Variants in TBL1X observed in about 807,000 individuals in gnomAD.
The protein encoded by TBL1X is F-box-like/WD repeat-containing protein TBL1X.
In TBL1X, 10 loss-of-function variants were observed where a neutral mutation model predicts 50.7. That is an observed-to-expected ratio of 0.20 (90% CI 0.12 to 0.33). TBL1X has a LOEUF of 0.33. Ranked by LOEUF, TBL1X falls within the 10% of genes least tolerant of loss-of-function variation. The pLI, the probability that TBL1X is intolerant of heterozygous loss-of-function variation, is 1.00. For synonymous variants in TBL1X, 190 were observed against 214.7 expected (o/e 0.88, Z 1.01); for missense variants, 340 against 504.4 (o/e 0.67, Z 3.12).
intron 2 of TBL1X, among the ~76,000 whole-genome samples, chrX:9,596,871 G>A (rs1350642026): frequency 9.0e-6 from 1 of 110,973 alleles, no homozygotes; most frequent in Non-Finnish European, 1.9e-5. Flanking sequence ...AAGGATCCCA[G>A]GGAAGCCTTT....
At chrX:9,483,123 C>A (rs1419003772) in intron 1 of TBL1X, among the ~76,000 whole-genome samples, 1 of 111,255 alleles carries the variant, frequency 9.0e-6, no homozygotes, top group Non-Finnish European at 1.9e-5. Context: ...CCTCCTCTTT[C>A]AAGAGAGTTA....
At chrX:9,574,695 C>T (rs758396141) in intron 2 of TBL1X, among the ~76,000 whole-genome samples, 2 of 110,640 alleles carry the variant, frequency 1.8e-5, no homozygotes, top group Non-Finnish European at 3.8e-5. Context: ...TGGGAAAGCA[C>T]TGGGACACCA....
intron 2 of TBL1X, among the ~76,000 whole-genome samples, chrX:9,586,883 G>C (rs1349557301): frequency 2.7e-5 from 3 of 112,244 alleles, no homozygotes; most frequent in Non-Finnish European, 3.8e-5. Flanking sequence ...CTGGGTGACA[G>C]AGCAAGATTC....
chrX:9,498,391 T>C (rs1212451546), intron 1 of TBL1X, among the ~76,000 whole-genome samples: 1 of 112,349 alleles, frequency 8.9e-6, no homozygotes, highest in Non-Finnish European at 1.9e-5. Context: ...TAGGCCTGCG[T>C]TTGAGCTTGC....
chrX:9,581,731 G>A (rs2082443596), intron 2 of TBL1X, among the ~76,000 whole-genome samples: 1 of 112,042 alleles, frequency 8.9e-6, no homozygotes, highest in African/African-American at 3.2e-5. Context: ...ATCTTGGAGA[G>A]GGCCAAGATC....
intron 5 of TBL1X, among the ~76,000 whole-genome samples, chrX:9,682,668 G>A (rs2083032443): frequency 8.9e-6 from 1 of 111,765 alleles, no homozygotes; most frequent in Non-Finnish European, 1.9e-5. Flanking sequence ...GAGGCAGAAG[G>A]GCACTGATAC....
At chrX:9,563,438 G>T (rs762852260) in intron 2 of TBL1X, among the ~76,000 whole-genome samples, 1 of 112,661 alleles carries the variant, frequency 8.9e-6, no homozygotes, top group African/African-American at 3.2e-5. Context: ...ACCTTATTAT[G>T]AAAATAGTAA....
intron 2 of TBL1X, among the ~76,000 whole-genome samples, chrX:9,559,041 G>A (rs1032253934): frequency 3.6e-5 from 4 of 111,915 alleles, no homozygotes; most frequent in Non-Finnish European, 7.5e-5. Context: ...AGAAGTCTAG[G>A]AGCTGTGTTT....
chrX:9,637,792 C>T (rs1234428736), intron 2 of TBL1X: 2 of 111,322 alleles, frequency 1.8e-5, no homozygotes, highest in Non-Finnish European at 3.8e-5. Context: ...ACTATCCTGC[C>T]TTCCTAAGGG....
chrX:9,639,910 A>T (rs1429770374), intron 2 of TBL1X: 1 of 112,271 alleles, frequency 8.9e-6, no homozygotes, highest in Non-Finnish European at 1.9e-5. Flanking sequence ...ATTTCAAGGG[A>T]ACCTTAATTT....
chrX:9,463,494 A>C (rs1736743164), upstream of TBL1X: 1 of 112,184 alleles, frequency 8.9e-6, no homozygotes, highest in African/African-American at 3.2e-5. Flanking sequence ...GATGTCCTCT[A>C]ATGATGGTGT....
At chrX:9,604,046 C>G (rs139978070) in intron 2 of TBL1X, among the ~76,000 whole-genome samples, 238 of 111,716 alleles carry the variant, frequency 2.1e-3, no homozygotes, top group Middle Eastern at 9.3e-3. Flanking sequence ...TTCTGAGGTG[C>G]TGCACGTTAG....
At chrX:9,471,464 T>C (rs999191833) in intron 1 of TBL1X, among the ~76,000 whole-genome samples, 3 of 112,475 alleles carry the variant, frequency 2.7e-5, no homozygotes, top group African/African-American at 9.7e-5. Context: ...CCATGTTTTT[T>C]TCAGACTGGT....
At position 9,534,044 on chromosome X, in the gene TBL1X, G is replaced by A. The variant is rs150175657; in HGVS notation, c.-131+32195G>A. Among the ~76,000 whole-genome samples, 564 of 111,748 alleles carry A rather than the reference G, an allele frequency of 5.0e-3. 6 individuals are homozygous for A. Among genetic ancestry groups the A allele is most frequent in the African/African-American group, 0.018 (542 of 30,763 alleles). Reference sequence around the variant, plus strand: ...ATGCGGGAGCAAGGGAGGGAGGCAGGCGAGGAGAAGGGTTGCCCAGGAGCC... The same window carrying A: ...ATGCGGGAGCAAGGGAGGGAGGCAGACGAGGAGAAGGGTTGCCCAGGAGCC... On this transcript the variant is annotated intron_variant, in intron 2 of 17. Coordinates refer to ENST00000645353, the MANE Select transcript of TBL1X (RefSeq NM_005647.4).
chrX:9,709,520 T>G (rs2083231454), intron 14 of TBL1X, 113 bp from the exon 15 acceptor site: 3 of 1,097,158 alleles, frequency 2.7e-6, no homozygotes, highest in African/African-American at 3.6e-5. Flanking sequence ...CTCACCACTG[T>G]GCACCCTCCA....
intron 5 of TBL1X, among the ~76,000 whole-genome samples, chrX:9,682,748 TG>T (rs2083033030): frequency 8.9e-6 from 1 of 112,331 alleles, no homozygotes; most frequent in African/African-American, 3.2e-5. Context: ...GAGGAGCACC[TG>T]TCCAGCAAGG....
chrX:9,704,399 G>A (rs181488245), intron 12 of TBL1X, among the ~76,000 whole-genome samples: 2 of 112,176 alleles, frequency 1.8e-5, no homozygotes, highest in East Asian at 2.8e-4. Context: ...AGCAGGCAGG[G>A]CGGCCCTCTC....
chrX:9,618,310 G>A (rs1186776733), intron 2 of TBL1X, among the ~76,000 whole-genome samples: 2 of 111,755 alleles, frequency 1.8e-5, no homozygotes, highest in Non-Finnish European at 3.8e-5. Flanking sequence ...GAGGAGATAA[G>A]TTTTAAACTG....
At chrX:9,479,938 A>ATATGTGTGTGTGTGTGTGTGTGTGTGTG (rs1555956772) in intron 1 of TBL1X, among the ~76,000 whole-genome samples, 2 of 94,988 alleles carry the variant, frequency 2.1e-5, no homozygotes, top group East Asian at 6.3e-4. Flanking sequence ...GGAAAGTAGA[A>ATATGTGTGTGTGTGTGTGTGTGTGTGTG]TGTGTGTGTG....
Sources: allele counts gnomAD v4.1 joint callset (sites outside exome capture counted in the v4.1 genomes callset), GRCh38; gene constraint gnomAD v4.1.1; transcripts MANE v1.5; gene names NCBI Gene and HGNC (gene_info 2026-07-23, HGNC 2026-07-21).